SPATA6L: variants seen among roughly 807,000 people sequenced by gnomAD.
SPATA6L encodes the protein spermatogenesis associated 6-like protein.
A neutral mutation model predicts 49.2 loss-of-function variants in SPATA6L; 68 were observed. The observed-to-expected ratio is 1.38, with a 90% CI of 1.14 to 1.69. The LOEUF is 1.69. Among genes scored for constraint, SPATA6L ranks in the 40% most tolerant of loss-of-function variants. SPATA6L has a pLI of 0.00. For synonymous variants in SPATA6L, 198 were observed against 165.7 expected (o/e 1.19, Z -1.50); for missense variants, 668 against 464.3 (o/e 1.44, Z -4.03).
In SPATA6L at chr9:4,629,991, GAC is replaced by G. The variant is rs1215918201; in HGVS notation, c.352-825_352-824del. Among the ~76,000 whole-genome samples the G allele has an allele frequency of 2.0e-5, 3 of 151,966 alleles. No individual in the cohort carries two copies. The East Asian group carries it at 5.8e-4, about 29-fold the overall frequency. On this transcript the variant is annotated intron_variant, in intron 4 of 11. Coordinates refer to ENST00000682582, the MANE Select transcript of SPATA6L (RefSeq NM_001353486.2). ...CGGTAATAACAAGGAACAAATGAAT[GAC>G]ACACACAACTACATGGATGGATCTC...
Position 4,662,251 on chromosome 9 carries a change from A to G in SPATA6L, c.40-215T>C, listed in dbSNP as rs781090648. The stretch of plus-strand genomic sequence containing the variant: ...TCCCACGTCTCCACCAGGTGTCACA[A>G]TCGCGCTCTCGCCGGCTCCTCTCCC... On this transcript the variant is annotated intron_variant, in intron 1 of 11. Transcript: ENST00000682582. The surrounding 1 kb of genome is among the most constrained non-coding windows in gnomAD (Gnocchi z 4.9). 90 of 1,433,614 alleles carry G rather than the reference A, an allele frequency of 6.3e-5. No homozygotes were observed. Among genetic ancestry groups the G allele is most frequent in the African/African-American group, 2.4e-4 (17 of 69,450 alleles). The allele number at this position is 1,433,614 out of a possible 1,614,324, so 88.8% of individuals were successfully genotyped here.
chr9:4,640,434 G>A (rs1196073160), intron 3 of SPATA6L, among the ~76,000 whole-genome samples: 1 of 152,002 alleles, frequency 6.6e-6, no homozygotes, highest in African/African-American at 2.4e-5. Context: ...GTGTTTGAAA[G>A]CAATGAGAAA....
intron 2 of SPATA6L, among the ~76,000 whole-genome samples, chr9:4,661,457 A>G (rs1349241373): frequency 1.4e-5 from 2 of 147,990 alleles, no homozygotes; most frequent in African/African-American, 5.1e-5. Flanking sequence ...AGTAAATCTG[A>G]ACAGCCTTTT....
intron 3 of SPATA6L, among the ~76,000 whole-genome samples, chr9:4,648,590 C>T (rs896152194): frequency 1.1e-4 from 17 of 151,750 alleles, no homozygotes; most frequent in African/African-American, 4.1e-4. Context: ...GTCCCAGCTA[C>T]GCGGGAGGCT....
intron 11 of SPATA6L, among the ~76,000 whole-genome samples, chr9:4,602,674 G>A (rs928998374): frequency 5.3e-5 from 8 of 152,150 alleles, no homozygotes; most frequent in African/African-American, 1.7e-4. Flanking sequence ...CAATGCCCAC[G>A]AACTCTGCTT....
chr9:4,606,149 CG>C lies in SPATA6L; in HGVS notation c.996-710del, dbSNP rs1005584736. Among the ~76,000 whole-genome samples, 16 of 152,032 alleles carry C rather than the reference CG, an allele frequency of 1.1e-4. No individual in the cohort carries two copies. The East Asian group carries it at 1.8e-3, about 17-fold the overall frequency. ...CACCCACCTGGCTCGGAGGGTCCTACGCCCACGGAGTCTCGCTGATTGCTAG... is the reference window on the plus strand; with the variant it reads ...CACCCACCTGGCTCGGAGGGTCCTACCCCACGGAGTCTCGCTGATTGCTAG... On this transcript the variant is annotated intron_variant, in intron 9 of 11. Transcript: ENST00000682582.
intron 9 of SPATA6L, among the ~76,000 whole-genome samples, chr9:4,606,205 G>T (rs998456456): frequency 6.7e-6 from 1 of 150,168 alleles, no homozygotes; most frequent in Non-Finnish European, 1.5e-5. Flanking sequence ...ACTGCAAGGC[G>T]GCAGCGAGGC....
intron 4 of SPATA6L, among the ~76,000 whole-genome samples, chr9:4,630,348 T>G (rs910257995): frequency 6.6e-6 from 1 of 152,160 alleles, no homozygotes; most frequent in Non-Finnish European, 1.5e-5. Context: ...TAAAGAGACA[T>G]TAAGGCAATT....
chr9:4,647,640 T>A (rs1564289064), intron 3 of SPATA6L, among the ~76,000 whole-genome samples: 1 of 151,990 alleles, frequency 6.6e-6, no homozygotes, highest in African/African-American at 2.4e-5. Context: ...CTTTTTAAAC[T>A]TTTCTTGAGT....
At chr9:4,632,810 A>C (rs1300366545) in intron 4 of SPATA6L, among the ~76,000 whole-genome samples, 1 of 152,156 alleles carries the variant, frequency 6.6e-6, no homozygotes, top group South Asian at 2.1e-4. Flanking sequence ...GAAATTGTCT[A>C]TTAAAGCAGA....
chr9:4,634,733 G>A (rs1587274444), intron 4 of SPATA6L, among the ~76,000 whole-genome samples: 1 of 152,134 alleles, frequency 6.6e-6, no homozygotes. Context: ...ATCAAAATGA[G>A]TATCCTGAAT....
intron 9 of SPATA6L, among the ~76,000 whole-genome samples, chr9:4,614,961 A>C (rs1200252650): frequency 6.6e-6 from 1 of 152,092 alleles, no homozygotes; most frequent in African/African-American, 2.4e-5. Flanking sequence ...CACTCCTTCC[A>C]AGCAAAGCCC....
chr9:4,604,486 G>A (rs1349248487), intron 10 of SPATA6L, among the ~76,000 whole-genome samples: 1 of 152,062 alleles, frequency 6.6e-6, no homozygotes, highest in Non-Finnish European at 1.5e-5. Flanking sequence ...GGCCTCAAGG[G>A]ATTCTCCCTC....
At chr9:4,618,790 A>T (rs1430164431) in intron 8 of SPATA6L, 74 bp downstream of exon 8, 2 of 1,395,032 alleles carry the variant, frequency 1.4e-6, no homozygotes, top group African/African-American at 2.9e-5. Context: ...TCCACCACTG[A>T]TTGGAAAAAG....
intron 13 of SPATA6L, among the ~76,000 whole-genome samples, chr9:4,591,781 G>A (rs1419763486): frequency 6.6e-6 from 1 of 152,190 alleles, no homozygotes; most frequent in Non-Finnish European, 1.5e-5. Flanking sequence ...GACTCAGCCT[G>A]CAAGGATATT....
At chr9:4,595,044 G>A (rs146383482), downstream of SPATA6L, among the ~76,000 whole-genome samples, 70 of 152,154 alleles carry the variant, frequency 4.6e-4, no homozygotes, top group Middle Eastern at 0.01. Context: ...TCTCTTAGTC[G>A]TTGAGTTCAT....
intron 9 of SPATA6L, among the ~76,000 whole-genome samples, chr9:4,610,184 G>C (rs937441130): frequency 2.0e-5 from 3 of 151,822 alleles, no homozygotes; most frequent in African/African-American, 7.3e-5. Flanking sequence ...ATGCTCATGG[G>C]TAGGAAGACT....
intron 7 of SPATA6L, among the ~76,000 whole-genome samples, chr9:4,619,609 A>G (rs1182038390): frequency 6.6e-6 from 1 of 152,212 alleles, no homozygotes; most frequent in African/African-American, 2.4e-5. Context: ...TATAAAATTT[A>G]TAAACTCTGT....
rs1840029331 is a variant in SPATA6L, at chr9:4,662,393, G to A, written c.40-357C>T. On this transcript the variant is annotated intron_variant, in intron 1 of 11. Transcript: ENST00000682582. The surrounding 1 kb of genome is among the most constrained non-coding windows in gnomAD (Gnocchi z 4.9). ...CAGCTGCGATGCCAAGTCCCCGGAG[G>A]AGCATGGAGGGACGGCCGCTGGGCG... is the stretch of plus-strand genomic sequence containing the variant. 3 of 1,532,290 alleles carry A rather than the reference G, an allele frequency of 2.0e-6. No individual in the cohort carries two copies. The highest frequency in any genetic ancestry group is 1.4e-5 in the African/African-American group (1 of 72,730). 94.9% of individuals were successfully genotyped at this position (1,532,290 alleles called of 1,614,324 possible).
Sources: allele counts gnomAD v4.1 joint callset (sites outside exome capture counted in the v4.1 genomes callset), GRCh38; gene constraint gnomAD v4.1.1; non-coding constraint Gnocchi (gnomAD v3.1); transcripts MANE v1.5; gene names NCBI Gene and HGNC (gene_info 2026-07-23, HGNC 2026-07-21).